The following MDGA2 variants were observed in gnomAD, a reference collection of about 807,000 sequenced individuals.
MDGA2 encodes MAM domain containing glycosylphosphatidylinositol anchor 2.
Under a neutral mutation model 117.8 loss-of-function variants are expected in MDGA2, and 40 were observed. That is an observed-to-expected ratio of 0.34 (90% CI 0.26 to 0.44). The LOEUF is 0.44. Ranked by LOEUF, MDGA2 falls within the 20% of genes least tolerant of loss-of-function variation. The probability of loss-of-function intolerance (pLI) is 1.00; values close to 1 mark genes in which losing one functional copy is unlikely to be tolerated. For missense variants in MDGA2, 1,123 were observed against 1,250.6 expected (o/e 0.90, Z 1.54); for synonymous variants, 452 against 439.0 (o/e 1.03, Z -0.37).
At chr14:47,666,644 G>A (rs1418218886) in intron 1 of MDGA2, among the ~76,000 whole-genome samples, 1 of 152,190 alleles carries the variant, frequency 6.6e-6, no homozygotes, top group African/African-American at 2.4e-5. Flanking sequence ...AAATCAGCAG[G>A]ATGTGGGTGG....
In MDGA2 at chr14:47,265,815, G is replaced by A. The variant is rs945371067; in HGVS notation, c.420+35596C>T. Among the ~76,000 whole-genome samples the A allele has an allele frequency of 3.3e-5, 5 of 151,892 alleles. No homozygotes were observed. In the East Asian group the frequency reaches 5.8e-4, roughly 18 times the overall value. ...ATGTTAATACCAAATAAACTAATGC[G>A]CCCAAGTTCCCAATAACACAGAAGT... is the stretch of plus-strand genomic sequence containing the variant. On this transcript the variant is annotated intron_variant, in intron 2 of 16. Coordinates refer to ENST00000399232, the MANE Select transcript of MDGA2 (RefSeq NM_001113498.3).
At chr14:46,985,924 A>AT (rs1052328590) in intron 8 of MDGA2, among the ~76,000 whole-genome samples, 17 of 151,820 alleles carry the variant, frequency 1.1e-4, no homozygotes, top group Admixed American at 8.6e-4. Context: ...CAACTGAGTC[A>AT]TTTTTTTTCT....
chr14:47,616,043 C>T (rs987295135), intron 1 of MDGA2, among the ~76,000 whole-genome samples: 7 of 152,018 alleles, frequency 4.6e-5, no homozygotes, highest in South Asian at 2.1e-4. Context: ...TGAGTAGGAG[C>T]GAGAGAAAGT....
chr14:46,994,321 C>T (rs1887205066), intron 8 of MDGA2, among the ~76,000 whole-genome samples: 1 of 152,066 alleles, frequency 6.6e-6, no homozygotes, highest in African/African-American at 2.4e-5. Context: ...ACTTTAAGTA[C>T]AGTTGCTTTC....
At chr14:47,557,949 C>T (rs940122134) in intron 1 of MDGA2, among the ~76,000 whole-genome samples, 5 of 152,184 alleles carry the variant, frequency 3.3e-5, no homozygotes, top group Non-Finnish European at 5.9e-5. Flanking sequence ...GGATTATCCA[C>T]ATTTGTCATT....
At chr14:47,531,102 AGGCGT>A (rs1895089825) in intron 1 of MDGA2, among the ~76,000 whole-genome samples, 1 of 152,122 alleles carries the variant, frequency 6.6e-6, no homozygotes, top group South Asian at 2.1e-4. Context: ...AAAGTTAGCC[AGGCGT>A]GGTGGTGGGC....
intron 1 of MDGA2, among the ~76,000 whole-genome samples, chr14:47,640,284 A>G (rs1897400227): frequency 1.3e-5 from 2 of 152,092 alleles, no homozygotes. Context: ...CAACTTCTGA[A>G]GGTTTTTTCT....
At chr14:47,301,285 C>T in intron 2 of MDGA2, 126 bp downstream of exon 2, 1 of 889,496 alleles carries the variant, frequency 1.1e-6, no homozygotes, top group East Asian at 3.0e-5. Context: ...ACACACACAC[C>T]CACACCCACC....
chr14:47,483,618 A>G (rs186666882), intron 1 of MDGA2, among the ~76,000 whole-genome samples: 23 of 152,304 alleles, frequency 1.5e-4, no homozygotes, highest in Admixed American at 1.4e-3. Flanking sequence ...AGAAGTACAG[A>G]TGGTGACAGA....
At chr14:47,384,025 T>TAATAGA (rs60630027) in intron 1 of MDGA2, among the ~76,000 whole-genome samples, 41,258 of 142,514 alleles carry the variant, frequency 0.29, 6,185 homozygotes, top group East Asian at 0.41. Flanking sequence ...AATAGATAGA[T>TAATAGA]TAGATAAAGA....
At chr14:47,635,586 A>G (rs1477443075) in intron 1 of MDGA2, among the ~76,000 whole-genome samples, 2 of 152,198 alleles carry the variant, frequency 1.3e-5, no homozygotes, top group Non-Finnish European at 2.9e-5. Flanking sequence ...TATTAAATGT[A>G]CTTTGATGCC....
intron 16 of MDGA2, among the ~76,000 whole-genome samples, chr14:46,842,962 G>A (rs1250684934): frequency 1.3e-5 from 2 of 152,050 alleles, no homozygotes; most frequent in African/African-American, 4.8e-5. Flanking sequence ...TTAATAAATG[G>A]TAATTAAATG....
intron 1 of MDGA2, among the ~76,000 whole-genome samples, chr14:47,346,318 C>T (rs1014506808): frequency 7.2e-5 from 11 of 152,044 alleles, no homozygotes; most frequent in African/African-American, 9.7e-5. Context: ...ATCCAATAAG[C>T]GGTAACTATT....
At chr14:47,429,152 G>C (rs968425273) in intron 1 of MDGA2, among the ~76,000 whole-genome samples, 1 of 151,808 alleles carries the variant, frequency 6.6e-6, no homozygotes, top group African/African-American at 2.4e-5. Context: ...TTGAACCTAG[G>C]GGGCAGAGGT....
intron 1 of MDGA2, among the ~76,000 whole-genome samples, chr14:47,640,206 G>A (rs536726214): frequency 6.6e-6 from 1 of 152,076 alleles, no homozygotes; most frequent in Non-Finnish European, 1.5e-5. Flanking sequence ...CCCCTTCTTG[G>A]ATAGTTTACA....
intron 1 of MDGA2, among the ~76,000 whole-genome samples, chr14:47,518,358 A>C (rs752850496): frequency 5.9e-5 from 9 of 152,312 alleles, no homozygotes; most frequent in East Asian, 5.8e-4. Context: ...TATAGAGATA[A>C]ATAATTTCTA....
At chr14:47,155,162 C>T (rs898879693) in intron 3 of MDGA2, among the ~76,000 whole-genome samples, 1 of 152,152 alleles carries the variant, frequency 6.6e-6, no homozygotes, top group African/African-American at 2.4e-5. Flanking sequence ...GAGGTACCCA[C>T]TTCAGGTCTC....
chr14:47,400,226 G>C (rs1204563488), intron 1 of MDGA2, among the ~76,000 whole-genome samples: 1 of 152,046 alleles, frequency 6.6e-6, no homozygotes, highest in Non-Finnish European at 1.5e-5. Context: ...TCTTCAATGT[G>C]TATACTCATG....
chr14:47,358,109 G>C (rs1166090712), intron 1 of MDGA2, among the ~76,000 whole-genome samples: 1 of 152,138 alleles, frequency 6.6e-6, no homozygotes, highest in Admixed American at 6.5e-5. Context: ...GCCTGAATTG[G>C]GGATGAACTT....
Sources: allele counts gnomAD v4.1 joint callset (sites outside exome capture counted in the v4.1 genomes callset), GRCh38; gene constraint gnomAD v4.1.1; transcripts MANE v1.5; gene names NCBI Gene and HGNC (gene_info 2026-07-23, HGNC 2026-07-21).